USP28: variants seen among roughly 807,000 people sequenced by gnomAD.
The protein encoded by USP28 is ubiquitin carboxyl-terminal hydrolase 28.
Under a neutral mutation model 145.0 loss-of-function variants are expected in USP28, and 113 were observed. That is an observed-to-expected ratio of 0.78 (90% CI 0.67 to 0.91). USP28 has a LOEUF of 0.91. USP28 is among the 40% of genes least tolerant of loss of function. USP28 has a pLI of 0.00. For missense variants in USP28, 1,201 were observed against 1,289.6 expected, an observed-to-expected ratio of 0.93 and a Z score of 1.05; for synonymous variants, 447 against 450.9, an observed-to-expected ratio of 0.99 and a Z score of 0.11.
At chr11:113,805,232 G>A (rs1052950117) in intron 19 of USP28, among the ~76,000 whole-genome samples, 186 bp from the exon 21 acceptor site, 2 of 148,750 alleles carry the variant, frequency 1.3e-5, no homozygotes, top group Non-Finnish European at 3.0e-5. Flanking sequence ...AACTCTTTTA[G>A]CATTCTGGCA....
chr11:113,809,925 C>CT (rs1363557795), intron 16 of USP28, among the ~76,000 whole-genome samples: 1 of 150,838 alleles, frequency 6.6e-6, no homozygotes, highest in Non-Finnish European at 1.5e-5. Flanking sequence ...ATCCCAGCTA[C>CT]TTAGAAGGCT....
intron 11 of USP28, 99 bp downstream of exon 11, chr11:113,827,134 C>A: frequency 7.1e-7 from 1 of 1,406,758 alleles, no homozygotes; most frequent in Non-Finnish European, 9.5e-7. Context: ...TGCATATTAT[C>A]ATGTCTCCCA....
At chr11:113,813,612 T>C (rs1217544467) in intron 15 of USP28, 2 of 382,234 alleles carry the variant, frequency 5.2e-6, no homozygotes, top group Non-Finnish European at 9.3e-6. Context: ...TAAGTAATTT[T>C]TATTAGTATC....
At chr11:113,874,302 A>C (rs964735106) in intron 1 of USP28, among the ~76,000 whole-genome samples, 1 of 149,784 alleles carries the variant, frequency 6.7e-6, no homozygotes, top group Admixed American at 6.7e-5. Context: ...AAATACAAAA[A>C]TTAGCCGGGC....
At chr11:113,875,255 A>G (rs1393518412) in intron 1 of USP28, among the ~76,000 whole-genome samples, 190 bp downstream of exon 1, 2 of 152,070 alleles carry the variant, frequency 1.3e-5, no homozygotes, top group Non-Finnish European at 2.9e-5. Context: ...GCGAAGATGC[A>G]GTCCTCAATC....
At chr11:113,829,409 G>A (rs757630501) in intron 9 of USP28, 64 bp from the exon 10 acceptor site, 3 of 1,578,512 alleles carry the variant, frequency 1.9e-6, no homozygotes. Context: ...CTATCTTCTG[G>A]CTCCACAGAG....
chr11:113,852,590 T>A, exon 3 of USP28: 5 of 1,614,146 alleles, frequency 3.1e-6, no homozygotes, highest in Non-Finnish European at 4.2e-6. Flanking sequence ...AACTCTCTCA[T>A]CAGTGAGAAG....
chr11:113,802,010 C>G (rs1939119396), intron 23 of USP28, among the ~76,000 whole-genome samples: 1 of 152,214 alleles, frequency 6.6e-6, no homozygotes, highest in Non-Finnish European at 1.5e-5. Context: ...CTCTGAGCAT[C>G]AGAATCACCT....
At chr11:113,803,940 C>T in intron 21 of USP28, 63 bp from the exon 23 acceptor site, 1 of 1,447,354 alleles carries the variant, frequency 6.9e-7, no homozygotes, top group Non-Finnish European at 9.6e-7. Context: ...TCCTTCCCAT[C>T]TAAGTTTTAA....
chr11:113,815,383 C>A lies in USP28; in HGVS notation c.1464-1G>T. 1 of 1,611,642 alleles carries A rather than the reference C, an allele frequency of 6.2e-7. No homozygotes were observed. The highest frequency in any genetic ancestry group is 1.7e-5 in the Admixed American group (1 of 59,454). On this transcript the variant is annotated splice_acceptor_variant, in intron 13 of 24. Transcript: ENST00000003302. LOFTEE classifies it high-confidence loss of function. ...CTGAGAAGAGCTTTCTGTACTTGTACTGAGGAAGACAAAAATCATGCTCAT... is the reference window on the plus strand; with the variant it reads ...CTGAGAAGAGCTTTCTGTACTTGTAATGAGGAAGACAAAAATCATGCTCAT...
intron 5 of USP28, among the ~76,000 whole-genome samples, chr11:113,838,306 T>G (rs1944809664): frequency 6.6e-6 from 1 of 152,226 alleles, no homozygotes; most frequent in Non-Finnish European, 1.5e-5. Context: ...ATTATCTTCC[T>G]ATGTTCTATT....
chr11:113,874,423 G>GAAAAAA (rs778295743), intron 1 of USP28: 91 of 414,056 alleles, frequency 2.2e-4, no homozygotes, highest in Admixed American at 1.2e-3. Context: ...AGACTCTGTC[G>GAAAAAA]AAAAAAAAAA....
chr11:113,849,768 G>A (rs1396319052), intron 3 of USP28, among the ~76,000 whole-genome samples: 1 of 152,132 alleles, frequency 6.6e-6, no homozygotes, highest in African/African-American at 2.4e-5. Flanking sequence ...AGATAGTGCC[G>A]ACAGCTATGG....
intron 3 of USP28, 88 bp downstream of exon 3, chr11:113,852,413 G>C: frequency 6.7e-7 from 1 of 1,501,524 alleles, no homozygotes; most frequent in South Asian, 1.2e-5. Flanking sequence ...TCAAAGGGCT[G>C]ATGTGATTGA....
chr11:113,810,786 T>G (rs980379305), intron 16 of USP28, among the ~76,000 whole-genome samples: 4 of 152,236 alleles, frequency 2.6e-5, no homozygotes, highest in Admixed American at 2.0e-4. Context: ...GCAATTCTCC[T>G]GCCTCAGCCT....
At chr11:113,815,429 C>T in intron 13 of USP28, 47 bp from the exon 14 acceptor site, 1 of 1,562,282 alleles carries the variant, frequency 6.4e-7, no homozygotes. Context: ...CCAAAAGATA[C>T]CTTGGCCTAA....
chr11:113,835,218 T>A (rs570761986), intron 5 of USP28: 161 of 447,216 alleles, frequency 3.6e-4, no homozygotes, highest in Admixed American at 1.0e-3. Context: ...TTTCATAAGT[T>A]AATTTTCTTT....
intron 1 of USP28, among the ~76,000 whole-genome samples, chr11:113,858,761 C>A (rs1218743113): frequency 6.6e-6 from 1 of 152,174 alleles, no homozygotes; most frequent in Non-Finnish European, 1.5e-5. Flanking sequence ...AGGCACCCAC[C>A]ACCACGCCTA....
chr11:113,828,888 G>A (rs1357518993), intron 10 of USP28: 1 of 537,644 alleles, frequency 1.9e-6, no homozygotes, highest in African/African-American at 1.9e-5. Context: ...AAATATGGAG[G>A]CAGTGGGTTC....
Sources: allele counts gnomAD v4.1 joint callset (sites outside exome capture counted in the v4.1 genomes callset), GRCh38; gene constraint gnomAD v4.1.1; transcripts MANE v1.5; gene names NCBI Gene and HGNC (gene_info 2026-07-23, HGNC 2026-07-21).